The following ABI3BP variants were observed in gnomAD, a reference collection of about 807,000 sequenced individuals.
ABI3BP encodes the protein target of Nesh-SH3.
Under a neutral mutation model 268.6 loss-of-function variants are expected in ABI3BP, and 216 were observed. The ratio of observed to expected loss-of-function variants is 0.80; its 90% confidence interval spans 0.72 to 0.90. The LOEUF (loss-of-function observed/expected upper bound fraction) is 0.90. Ranked by LOEUF, ABI3BP falls within the 40% of genes least tolerant of loss-of-function variation. ABI3BP has a pLI of 0.00. For synonymous variants in ABI3BP, 730 were observed against 730.0 expected (o/e 1.00, Z 0.00); for missense variants, 2,090 against 2,182.4 (o/e 0.96, Z 0.84).
chr3:100,954,190 CAATGGTCATATGAAAGACTTATTGCT>C, intron 1 of ABI3BP, among the ~76,000 whole-genome samples: 1 of 152,180 alleles, frequency 6.6e-6, no homozygotes, highest in South Asian at 2.1e-4. Flanking sequence ...AGAAATAATT[CAATGGTCATATGAAAGACTTATTGCT>C]ATTTTCTAAT....
chr3:100,894,965 A>AAAACAAAAAAAAAAAAAAAAAAAC (rs760156604), intron 4 of ABI3BP, among the ~76,000 whole-genome samples: 1 of 120,768 alleles, frequency 8.3e-6, no homozygotes, highest in African/African-American at 2.7e-5. Flanking sequence ...AAAAAAAAAA[A>AAAACAAAAAAAAAAAAAAAAAAAC]AACAGAAAAA....
chr3:100,894,838 CT>C (rs1262059220), intron 4 of ABI3BP, among the ~76,000 whole-genome samples: 11 of 146,924 alleles, frequency 7.5e-5, no homozygotes, highest in African/African-American at 1.5e-4. Context: ...ACTCGGGAGG[CT>C]GAGGCAGGAG....
intron 32 of ABI3BP, 108 bp from the exon 33 acceptor site, chr3:100,829,772 T>C: frequency 1.2e-6 from 1 of 828,398 alleles, no homozygotes; most frequent in Non-Finnish European, 1.9e-6. Context: ...TTCTTTTGGG[T>C]TTGAAATATT....
At chr3:100,801,128 A>AT (rs540075827) in intron 51 of ABI3BP, among the ~76,000 whole-genome samples, 264 of 145,542 alleles carry the variant, frequency 1.8e-3, no homozygotes, top group African/African-American at 5.1e-3. Context: ...GCATTAGTGC[A>AT]TTTTTTTTTT....
chr3:100,978,793 G>A (rs979526285), intron 1 of ABI3BP, among the ~76,000 whole-genome samples: 5 of 152,174 alleles, frequency 3.3e-5, no homozygotes, highest in African/African-American at 1.2e-4. Context: ...GCTTTGTACT[G>A]ATTCTGTAAA....
intron 1 of ABI3BP, among the ~76,000 whole-genome samples, chr3:100,944,387 C>G (rs2595903): frequency 0.21 from 32,651 of 151,902 alleles, 3,763 homozygotes; most frequent in African/African-American, 0.31. Flanking sequence ...CATTAAATTC[C>G]ATTGGCCAAA....
chr3:100,900,538 A>G (rs2049824418), intron 3 of ABI3BP, among the ~76,000 whole-genome samples: 1 of 152,222 alleles, frequency 6.6e-6, no homozygotes. Context: ...TGCCATTTAG[A>G]GATGAAAGAC....
In ABI3BP at chr3:100,823,516, T is replaced by A. The variant is rs1294104866; in HGVS notation, c.2747-2A>T. On this transcript the variant is annotated splice_acceptor_variant, in intron 36 of 67. Coordinates refer to ENST00000471714, the MANE Select transcript of ABI3BP (RefSeq NM_001375547.2). LOFTEE classifies it high-confidence loss of function. Reference sequence around the variant, plus strand: ...CAGGTTCTAGGACTGTAGCAGGAACTGACCAAAACAACATGTAAATCAAAG... The same window carrying A: ...CAGGTTCTAGGACTGTAGCAGGAACAGACCAAAACAACATGTAAATCAAAG... 6 of 1,529,714 alleles carry A rather than the reference T, an allele frequency of 3.9e-6. No homozygotes were observed. Among genetic ancestry groups the A allele is most frequent in the Non-Finnish European group, 5.2e-6 (6 of 1,143,880 alleles). 94.8% of individuals were successfully genotyped at this position (1,529,714 alleles called of 1,614,324 possible).
At chr3:100,775,768 T>C (rs935584516) in intron 59 of ABI3BP, among the ~76,000 whole-genome samples, 1 of 152,132 alleles carries the variant, frequency 6.6e-6, no homozygotes, top group African/African-American at 2.4e-5. Context: ...GTGTTTAACT[T>C]GAAGGGGTAC....
Position 100,810,514 on chromosome 3 carries a change from G to A in ABI3BP, c.3542-37C>T, listed in dbSNP as rs995863310. 3.5e-6 allele frequency: 5 copies of A among 1,420,938 alleles called. No homozygotes were observed. In the African/African-American group the frequency reaches 5.7e-5, roughly 16 times the overall value. 88.0% of individuals were successfully genotyped at this position (1,420,938 alleles called of 1,614,324 possible). ...GAAGGAAAGTACGCGGGTTACTATA[G>A]CACTTGACAGACCTTGAGTACAGAT... is the stretch of plus-strand genomic sequence containing the variant. On this transcript the variant is annotated intron_variant, in intron 48 of 67. Transcript: ENST00000471714.
intron 2 of ABI3BP, among the ~76,000 whole-genome samples, chr3:100,905,003 C>A (rs1294247336): frequency 1.1e-4 from 16 of 152,190 alleles, no homozygotes; most frequent in African/African-American, 2.9e-4. Context: ...AAAGACTTGG[C>A]ACCAACCCAA....
intron 4 of ABI3BP, among the ~76,000 whole-genome samples, chr3:100,891,163 C>T (rs2044470349): frequency 6.6e-6 from 1 of 152,110 alleles, no homozygotes; most frequent in Middle Eastern, 3.2e-3. Flanking sequence ...AAGGCAAATG[C>T]AAGTTATTTT....
intron 61 of ABI3BP, among the ~76,000 whole-genome samples, chr3:100,772,840 AGGCCGAGATG>A (rs2096588849): frequency 2.6e-5 from 4 of 152,156 alleles, no homozygotes; most frequent in Admixed American, 6.5e-5. Flanking sequence ...GCACTTTGGG[AGGCCGAGATG>A]GGTGGATCAC....
intron 31 of ABI3BP, among the ~76,000 whole-genome samples, chr3:100,831,949 T>C (rs1300438614): frequency 6.6e-6 from 1 of 152,206 alleles, no homozygotes; most frequent in Non-Finnish European, 1.5e-5. Context: ...TATGGACTAA[T>C]ATGGCTTTGG....
intron 4 of ABI3BP, among the ~76,000 whole-genome samples, chr3:100,890,534 T>A (rs1469145613): frequency 6.6e-6 from 1 of 152,164 alleles, no homozygotes; most frequent in African/African-American, 2.4e-5. Context: ...AGTCTAAAAG[T>A]TGTTTAGATA....
rs747331784 is a variant in ABI3BP, at chr3:100,886,246, A to G, written c.539T>C (p.Ile180Thr). The change falls in exon 5 of 68, where the codon ATT becomes ACT. Residue 180 changes from isoleucine to threonine, a missense_variant. Ile to Thr is a moderately conservative substitution (Grantham distance 89, BLOSUM62 -1). Transcript: ENST00000471714. ...IFQICPATETIVENLKPNTVY... is the reference protein window; with the variant it reads ...IFQICPATETTVENLKPNTVY... ...TGTGTTGGGCTTTAGGTTTTCCACA[A>G]TTGTTTCAGTGGCTGGACAGATTTG... 2 of 1,611,058 alleles carry G rather than the reference A, an allele frequency of 1.2e-6. No individual in the cohort carries two copies. Among genetic ancestry groups the G allele is most frequent in the Non-Finnish European group, 8.5e-7 (1 of 1,178,314 alleles).
chr3:100,975,459 G>A (rs1413944151), intron 1 of ABI3BP, among the ~76,000 whole-genome samples: 1 of 152,052 alleles, frequency 6.6e-6, no homozygotes, highest in Admixed American at 6.6e-5. Flanking sequence ...GGACAGGATG[G>A]GAAATGGATT....
intron 1 of ABI3BP, among the ~76,000 whole-genome samples, chr3:100,990,566 TTATA>T (rs956225292): frequency 3.4e-5 from 5 of 148,412 alleles, no homozygotes; most frequent in African/African-American, 1.2e-4. Flanking sequence ...CTATATATGG[TTATA>T]TATATATAAT....
chr3:100,986,367 C>A (rs2091757906), intron 1 of ABI3BP, among the ~76,000 whole-genome samples: 1 of 152,162 alleles, frequency 6.6e-6, no homozygotes, highest in Non-Finnish European at 1.5e-5. Flanking sequence ...GAGAGTCTGC[C>A]CAGCTAAACC....
Sources: gnomAD v4.1 joint callset for allele counts (sites outside exome capture counted in the v4.1 genomes callset) on GRCh38, gnomAD v4.1.1 for gene constraint, MANE v1.5 for transcripts, NCBI Gene and HGNC (gene_info 2026-07-23, HGNC 2026-07-21) for gene names.